The following IFT46 variants were observed in gnomAD, a reference collection of about 807,000 sequenced individuals.
IFT46 encodes intraflagellar transport 46, also known as intraflagellar transport protein 46 homolog.
In IFT46, 19 loss-of-function variants were observed where a neutral mutation model predicts 39.6. That is an observed-to-expected ratio of 0.48 (90% CI 0.33 to 0.70). The LOEUF is 0.70. Among genes scored for constraint, IFT46 ranks in the 30% least tolerant of loss-of-function variants. IFT46 has a pLI of 0.01. For synonymous variants in IFT46, 117 were observed against 134.8 expected, an observed-to-expected ratio of 0.87 and a Z score of 0.91; for missense variants, 334 against 364.8, an observed-to-expected ratio of 0.92 and a Z score of 0.69.
At chr11:118,560,465 G>T (rs1938012217) in intron 2 of IFT46, 1 of 159,298 alleles carries the variant, frequency 6.3e-6, no homozygotes, top group Non-Finnish European at 1.3e-5. Flanking sequence ...GGGAGGGGAG[G>T]GGAGGGGAGG....
At chr11:118,563,002 T>A (rs892484392) in intron 2 of IFT46, among the ~76,000 whole-genome samples, 7 of 151,782 alleles carry the variant, frequency 4.6e-5, no homozygotes, top group Non-Finnish European at 8.8e-5. Flanking sequence ...GAGGCGTAGG[T>A]TGCAGTGAGC....
In IFT46 at chr11:118,545,464, C is replaced by T. The variant is rs142818469; in HGVS notation, c.764G>A (p.Arg255Gln). The part of the protein sequence containing the change: ...AILDIPVYKS[R>Q]IQSLHLLFSL... ...AAAGAGCAGATGGAGGGACTGGATCCGACTCTTGTAGACAGGGATGTCTAG... is the reference window on the plus strand; with the variant it reads ...AAAGAGCAGATGGAGGGACTGGATCTGACTCTTGTAGACAGGGATGTCTAG... The change falls in exon 11 of 12, where the codon CGG (arginine) becomes CAG (glutamine). Residue 255 changes from arginine (R) to glutamine (Q), a missense_variant. By Grantham distance (43) the Arg-to-Gln change is conservative. Coordinates refer to ENST00000264021, the MANE Select transcript of IFT46 (RefSeq NM_001168618.2). The T allele has an allele frequency of 4.0e-5, 64 of 1,613,650 alleles. No homozygotes were observed. The highest frequency in any genetic ancestry group is 3.8e-4 in the Admixed American group (23 of 59,982).
At chr11:118,559,027 C>T (rs1182988951) in intron 3 of IFT46, among the ~76,000 whole-genome samples, 3 of 151,072 alleles carry the variant, frequency 2.0e-5, no homozygotes, top group African/African-American at 7.3e-5. Context: ...CCACCACGCC[C>T]AGCTAATTTT....
At chr11:118,556,792 T>A (rs1937850819) in intron 4 of IFT46, 114 bp downstream of exon 4, 1 of 1,305,754 alleles carries the variant, frequency 7.7e-7, no homozygotes, top group Non-Finnish European at 1.0e-6. Context: ...AAATCCTAAA[T>A]ACAGGAGATC....
At chr11:118,572,350 C>CT in intron 1 of IFT46, 2 of 97,818 alleles carry the variant, frequency 2.0e-5, no homozygotes, top group South Asian at 7.3e-4. Flanking sequence ...CAGGCCCCGC[C>CT]CCCCCCCCCG....
chr11:118,545,163 G>C, intron 11 of IFT46, 152 bp from the exon 12 acceptor site: 1 of 697,462 alleles, frequency 1.4e-6, no homozygotes, highest in South Asian at 1.8e-5. Flanking sequence ...AGTGTCCTCT[G>C]TAGATCCTCA....
At chr11:118,556,799 G>A (rs1937851541) in intron 4 of IFT46, 107 bp downstream of exon 4, 1 of 1,352,556 alleles carries the variant, frequency 7.4e-7, no homozygotes. Flanking sequence ...AAATACAGGA[G>A]ATCAAAAGAG....
At chr11:118,545,576 C>T (rs922554603) in intron 10 of IFT46, 82 bp from the exon 11 acceptor site, 8 of 1,253,286 alleles carry the variant, frequency 6.4e-6, no homozygotes, top group Non-Finnish European at 9.3e-6. Context: ...CAGGCAAAGC[C>T]CTGGCAGATG....
intron 2 of IFT46, chr11:118,561,119 T>C (rs1938042251): frequency 1.3e-6 from 2 of 1,489,222 alleles, no homozygotes; most frequent in Non-Finnish European, 1.8e-6. Flanking sequence ...CTTTACCTGC[T>C]ATTTGGATAC....
chr11:118,572,710 T>C, exon 1 of IFT46: 2 of 781,284 alleles, frequency 2.6e-6, no homozygotes, highest in Non-Finnish European at 4.0e-6. Context: ...CTGTGCCCGG[T>C]CTCCTGGAGA....
At chr11:118,570,661 C>T (rs1034122404), upstream of IFT46, among the ~76,000 whole-genome samples, 14 of 152,222 alleles carry the variant, frequency 9.2e-5, no homozygotes, top group African/African-American at 3.4e-4. Context: ...ATTTGGCATA[C>T]AAGAAATAAC....
upstream of IFT46, chr11:118,573,888 G>T (rs571720285): frequency 4.2e-6 from 2 of 475,312 alleles, no homozygotes; most frequent in Non-Finnish European, 7.5e-6. Context: ...TCTGTATTTG[G>T]TTAGTGATTT....
chr11:118,558,069 T>TCA (rs1555069909), intron 3 of IFT46, among the ~76,000 whole-genome samples: 1 of 152,242 alleles, frequency 6.6e-6, no homozygotes, highest in Non-Finnish European at 1.5e-5. Context: ...CACCAAAAAC[T>TCA]GCTTTTAGTC....
intron 3 of IFT46, chr11:118,557,638 C>T: frequency 5.1e-6 from 7 of 1,370,162 alleles, no homozygotes; most frequent in Non-Finnish European, 7.2e-6. Context: ...AGTATCTGAC[C>T]TATCTGTATT....
chr11:118,550,799 C>T (rs1555068216), intron 9 of IFT46, among the ~76,000 whole-genome samples: 3 of 151,954 alleles, frequency 2.0e-5, no homozygotes, highest in African/African-American at 7.3e-5. Context: ...GAGGCAGAGG[C>T]GGGTGGATCA....
chr11:118,545,299 G>T, intron 11 of IFT46, 110 bp downstream of exon 11: 1 of 854,280 alleles, frequency 1.2e-6, no homozygotes, highest in Non-Finnish European at 1.9e-6. Context: ...GAAGGTAACT[G>T]GGCAGAGACA....
chr11:118,566,973 C>T (rs1471338887), upstream of IFT46, among the ~76,000 whole-genome samples: 1 of 152,126 alleles, frequency 6.6e-6, no homozygotes, highest in East Asian at 1.9e-4. Flanking sequence ...TGGCTCACAC[C>T]TGTAATCCCA....
chr11:118,550,026 CT>C (rs1205750757), intron 9 of IFT46, among the ~76,000 whole-genome samples: 2 of 151,832 alleles, frequency 1.3e-5, no homozygotes, highest in African/African-American at 2.4e-5. Context: ...TCCTCTGCCC[CT>C]GGGTTCAAGT....
chr11:118,560,651 T>C (rs1591370142), intron 2 of IFT46: 1 of 509,074 alleles, frequency 2.0e-6, no homozygotes, highest in South Asian at 1.9e-5. Flanking sequence ...GGCCGGCAGG[T>C]CTCTGTCGAG....
Sources: allele counts gnomAD v4.1 joint callset (sites outside exome capture counted in the v4.1 genomes callset), GRCh38; gene constraint gnomAD v4.1.1; transcripts MANE v1.5; gene names NCBI Gene and HGNC (gene_info 2026-07-23, HGNC 2026-07-21).